The following PTPRT variants were observed in gnomAD, a reference collection of about 807,000 sequenced individuals.
PTPRT encodes protein tyrosine phosphatase receptor type T, also known as receptor-type tyrosine-protein phosphatase T.
A neutral mutation model predicts 176.8 loss-of-function variants in PTPRT; 56 were observed. That is an observed-to-expected ratio of 0.32 (90% CI 0.26 to 0.40). The LOEUF (loss-of-function observed/expected upper bound fraction) is 0.40. Among genes scored for constraint, PTPRT ranks in the 10% least tolerant of loss-of-function variants. The probability of loss-of-function intolerance (pLI) is 1.00; values close to 1 mark genes in which losing one functional copy is unlikely to be tolerated. For missense variants in PTPRT, 1,540 were observed against 1,908.2 expected, an observed-to-expected ratio of 0.81 and a Z score of 3.60; for synonymous variants, 783 against 739.0, an observed-to-expected ratio of 1.06 and a Z score of -0.96.
intron 2 of PTPRT, among the ~76,000 whole-genome samples, chr20:42,831,296 A>G (rs2078082406): frequency 6.6e-6 from 1 of 152,224 alleles, no homozygotes; most frequent in African/African-American, 2.4e-5. Flanking sequence ...CCTGTTCAAT[A>G]AATGGTACTG....
At chr20:42,493,053 C>T (rs1172459084) in intron 7 of PTPRT, among the ~76,000 whole-genome samples, 1 of 152,058 alleles carries the variant, frequency 6.6e-6, no homozygotes, top group Non-Finnish European at 1.5e-5. Context: ...AAATGATAAC[C>T]ACAAAAACAA....
At chr20:42,647,442 C>G (rs2074932266) in intron 7 of PTPRT, among the ~76,000 whole-genome samples, 1 of 152,146 alleles carries the variant, frequency 6.6e-6, no homozygotes, top group Non-Finnish European at 1.5e-5. Context: ...CAGCCCAGAG[C>G]TCCTCTTAAT....
At chr20:42,844,635 A>G (rs6103069) in intron 2 of PTPRT, among the ~76,000 whole-genome samples, 34 of 152,024 alleles carry the variant, frequency 2.2e-4, no homozygotes, top group African/African-American at 8.2e-4. Context: ...GACTTCCCCC[A>G]CATGACAATG....
At chr20:42,287,195 T>C (rs6030109) in intron 12 of PTPRT, among the ~76,000 whole-genome samples, 70,486 of 151,678 alleles carry the variant, frequency 0.46, 16,623 homozygotes, top group African/African-American at 0.56. Context: ...AAAAAAACTA[T>C]AAATAGAACT....
In PTPRT at chr20:42,881,712, G is replaced by A. The variant is rs150305642; in HGVS notation, c.214+4095C>T. On this transcript the variant is annotated intron_variant, in intron 2 of 30. Transcript: ENST00000373187. ...AGCACTCCAGCCTGGGCAACAGAGC[G>A]ACACTCTGTCTCAAAAAAAAAAAAA... is the stretch of plus-strand genomic sequence containing the variant. Among the ~76,000 whole-genome samples, 873 of 117,274 alleles carry A rather than the reference G, an allele frequency of 7.4e-3. 15 individuals are homozygous for A. Among genetic ancestry groups the A allele is most frequent in the African/African-American group, 0.029 (843 of 29,374 alleles). 76.9% of individuals were successfully genotyped at this position (117,274 alleles called of 152,430 possible).
chr20:42,734,647 G>A (rs2076511205), intron 6 of PTPRT, among the ~76,000 whole-genome samples: 1 of 152,166 alleles, frequency 6.6e-6, no homozygotes, highest in South Asian at 2.1e-4. Context: ...GTATTACTTA[G>A]CTTTTTCTTA....
chr20:42,996,073 C>G (rs568640781), intron 1 of PTPRT, among the ~76,000 whole-genome samples: 10 of 152,254 alleles, frequency 6.6e-5, no homozygotes, highest in Middle Eastern at 3.4e-3. Context: ...TAACACAGTT[C>G]CCTCTCTGCA....
At chr20:42,455,673 G>A (rs908981770) in intron 8 of PTPRT, among the ~76,000 whole-genome samples, 1 of 152,002 alleles carries the variant, frequency 6.6e-6, no homozygotes, top group African/African-American at 2.4e-5. Context: ...CTCATCCTAG[G>A]GAGATTGAAA....
At chr20:43,154,699 A>C (rs1442060299) in intron 1 of PTPRT, among the ~76,000 whole-genome samples, 1 of 152,186 alleles carries the variant, frequency 6.6e-6, no homozygotes, top group Non-Finnish European at 1.5e-5. Context: ...TCAAAAGCAA[A>C]TGGAATTGCA....
intron 7 of PTPRT, among the ~76,000 whole-genome samples, chr20:42,503,031 T>G (rs2071779099): frequency 2.6e-5 from 4 of 152,118 alleles, no homozygotes; most frequent in Admixed American, 2.0e-4. Flanking sequence ...ATTAGCTGTA[T>G]GTTAAGGTAT....
chr20:42,897,002 A>G (rs1309962941), intron 1 of PTPRT, among the ~76,000 whole-genome samples: 1 of 152,190 alleles, frequency 6.6e-6, no homozygotes, highest in African/African-American at 2.4e-5. Context: ...GGGTGTTTAA[A>G]TAAGTGCACA....
At chr20:42,992,110 C>A (rs1451557213) in intron 1 of PTPRT, among the ~76,000 whole-genome samples, 1 of 151,974 alleles carries the variant, frequency 6.6e-6, no homozygotes, top group African/African-American at 2.4e-5. Context: ...CAAAAATCAG[C>A]AATTAAAAAA....
chr20:42,302,536 T>C lies in PTPRT; in HGVS notation c.2139+13187A>G, dbSNP rs73120079. Among the ~76,000 whole-genome samples the C allele has an allele frequency of 3.8e-3, 572 of 152,328 alleles. 2 individuals are homozygous for C. Among genetic ancestry groups the C allele is most frequent in the Non-Finnish European group, 5.0e-3 (341 of 68,026 alleles). On this transcript the variant is annotated intron_variant, in intron 12 of 30. Transcript: ENST00000373187. ...TGTCACTTCTTCTACAAGATTTTCC[T>C]AGGCACCTCCTCATCCCCTCTACCT...
intron 2 of PTPRT, among the ~76,000 whole-genome samples, chr20:42,814,834 A>G (rs2077756117): frequency 6.6e-6 from 1 of 152,194 alleles, no homozygotes; most frequent in Non-Finnish European, 1.5e-5. Flanking sequence ...ATTTTGCTGA[A>G]CACCAACATT....
intron 1 of PTPRT, among the ~76,000 whole-genome samples, chr20:43,054,092 A>G (rs1306655650): frequency 6.6e-6 from 1 of 152,206 alleles, no homozygotes; most frequent in Non-Finnish European, 1.5e-5. Context: ...CCTCAGCTCA[A>G]GTCCCAAACC....
intron 9 of PTPRT, among the ~76,000 whole-genome samples, chr20:42,395,496 C>A (rs961744153): frequency 6.6e-6 from 1 of 152,094 alleles, no homozygotes; most frequent in African/African-American, 2.4e-5. Flanking sequence ...TAATATTTCT[C>A]AAATTTTATA....
intron 9 of PTPRT, among the ~76,000 whole-genome samples, chr20:42,352,567 A>G (rs1264052975): frequency 6.6e-6 from 1 of 152,210 alleles, no homozygotes; most frequent in African/African-American, 2.4e-5. Flanking sequence ...AAGGATGGTT[A>G]TCAGAGGCTG....
intron 9 of PTPRT, among the ~76,000 whole-genome samples, chr20:42,363,105 GAAAAAAAAA>G (rs71193658): frequency 2.1e-5 from 1 of 47,210 alleles, no homozygotes; most frequent in Non-Finnish European, 3.5e-5. Context: ...CTCCATTTCA[GAAAAAAAAA>G]AAAAAAAAAA....
intron 15 of PTPRT, 151 bp from the exon 16 acceptor site, chr20:42,199,539 A>T (rs1159725925): frequency 1.2e-6 from 1 of 863,774 alleles, no homozygotes; most frequent in African/African-American, 1.7e-5. Flanking sequence ...CAAACCATGA[A>T]TGGTTTCCAT....
Sources: gnomAD v4.1 joint callset for allele counts (sites outside exome capture counted in the v4.1 genomes callset) on GRCh38, gnomAD v4.1.1 for gene constraint, MANE v1.5 for transcripts, NCBI Gene and HGNC (gene_info 2026-07-23, HGNC 2026-07-21) for gene names.